The following SUMF1 variants were observed in gnomAD, a reference collection of about 807,000 sequenced individuals.
SUMF1 encodes the protein sulfatase modifying factor 1, also known as formylglycine-generating enzyme.
SUMF1 carries 48 observed loss-of-function variants against 47.6 expected under a neutral mutation model. The observed-to-expected ratio is 1.01, with a 90% CI of 0.80 to 1.28. SUMF1 has a LOEUF of 1.28. SUMF1 is among the 50% of genes most tolerant of loss of function. SUMF1 has a pLI of 0.00. For synonymous variants in SUMF1, 230 were observed against 192.1 expected (o/e 1.20, Z -1.63); for missense variants, 571 against 485.4 (o/e 1.18, Z -1.66).
At position 4,036,858 on chromosome 3, in the gene SUMF1, A is replaced by T. The variant is rs1344891200; in HGVS notation, c.1191+31711T>A. On this transcript the variant is annotated intron_variant and NMD_transcript_variant, in intron 9 of 12. Coordinates refer to the SUMF1 transcript ENST00000448413. ...GCTGAGGTCAGTGAGGCAAAAAAAA[A>T]AAAAAAAAAAAAAAAGAGACCATGG... Among the ~76,000 whole-genome samples the T allele has an allele frequency of 7.4e-5, 11 of 149,018 alleles. 1 individual carries two copies. The highest frequency in any genetic ancestry group is 5.8e-4 in the East Asian group (3 of 5,146).
chr3:4,277,203 C>T (rs978749080), intron 8 of SUMF1, among the ~76,000 whole-genome samples: 6 of 152,112 alleles, frequency 3.9e-5, no homozygotes, highest in Admixed American at 2.6e-4. Flanking sequence ...ACAGGCAGGT[C>T]TAGGAACCAT....
At chr3:4,392,734 TTGTTC>T (rs1435263488) in intron 7 of SUMF1, among the ~76,000 whole-genome samples, 14 of 148,588 alleles carry the variant, frequency 9.4e-5, no homozygotes, top group Middle Eastern at 3.3e-3. Flanking sequence ...CTGAAGGTTT[TTGTTC>T]TGTTTTGTTT....
At chr3:4,371,002 G>A (rs911479290) in intron 8 of SUMF1, among the ~76,000 whole-genome samples, 1 of 152,018 alleles carries the variant, frequency 6.6e-6, no homozygotes, top group Non-Finnish European at 1.5e-5. Flanking sequence ...GCGAGGTCAG[G>A]GCCATCACTT....
rs114368976 is a variant in SUMF1, at chr3:4,056,151, C to A, written c.1191+12418G>T. On this transcript the variant is annotated intron_variant and NMD_transcript_variant, in intron 9 of 12. Transcript: ENST00000448413. ...ACCTTAATTCTCCTTTACCGTGTAA[C>A]CTAACATATTCACAGGTTTCTGGGA... Among the ~76,000 whole-genome samples, 845 of 152,196 alleles carry A rather than the reference C, an allele frequency of 5.6e-3. 8 individuals carry two copies. Among genetic ancestry groups the A allele is most frequent in the Non-Finnish European group, 8.6e-3 (585 of 68,014 alleles).
intron 8 of SUMF1, among the ~76,000 whole-genome samples, chr3:4,213,951 G>A (rs1399884279): frequency 3.9e-5 from 6 of 152,024 alleles, no homozygotes; most frequent in African/African-American, 9.7e-5. Context: ...ACTTCCACAC[G>A]ATAATGATGG....
intron 2 of SUMF1, among the ~76,000 whole-genome samples, chr3:4,451,991 G>A (rs1702988612): frequency 6.6e-6 from 1 of 152,084 alleles, no homozygotes. Context: ...CCCAAAAAAG[G>A]TTTCTAACCA....
intron 8 of SUMF1, among the ~76,000 whole-genome samples, chr3:4,072,510 G>A (rs1025208716): frequency 1.3e-5 from 2 of 152,134 alleles, no homozygotes; most frequent in African/African-American, 4.8e-5. Flanking sequence ...GTAGGCTTCA[G>A]AAGGTGGATA....
downstream of SUMF1, among the ~76,000 whole-genome samples, chr3:4,356,754 C>T (rs1575125193): frequency 6.6e-6 from 1 of 152,128 alleles, no homozygotes; most frequent in Non-Finnish European, 1.5e-5. Flanking sequence ...AGGCTTCACA[C>T]AAAAATGCAA....
chr3:4,164,555 C>T (rs971954830), intron 8 of SUMF1, among the ~76,000 whole-genome samples: 10 of 152,144 alleles, frequency 6.6e-5, no homozygotes, highest in African/African-American at 2.4e-4. Context: ...TCCTTGCAAA[C>T]CACAATGATA....
chr3:4,218,129 G>T (rs763761869), intron 8 of SUMF1, among the ~76,000 whole-genome samples: 2 of 151,842 alleles, frequency 1.3e-5, no homozygotes, highest in African/African-American at 2.4e-5. Context: ...AAATAGACAC[G>T]CAGGGAAGAT....
intron 7 of SUMF1, among the ~76,000 whole-genome samples, chr3:4,386,967 T>C (rs1700695464): frequency 6.6e-6 from 1 of 151,994 alleles, no homozygotes; most frequent in South Asian, 2.1e-4. Flanking sequence ...ATTATCATGT[T>C]TTAAAAAATA....
chr3:4,429,588 A>T (rs1294534608), intron 3 of SUMF1, among the ~76,000 whole-genome samples: 1 of 152,254 alleles, frequency 6.6e-6, no homozygotes, highest in Non-Finnish European at 1.5e-5. Flanking sequence ...TGTAAAAGAC[A>T]GGAAAAAGAG....
chr3:4,281,185 C>T (rs1697522358), intron 8 of SUMF1, among the ~76,000 whole-genome samples: 1 of 152,064 alleles, frequency 6.6e-6, no homozygotes, highest in Non-Finnish European at 1.5e-5. Flanking sequence ...TGCCCTTTGA[C>T]GGAGCTCCTC....
intron 8 of SUMF1, among the ~76,000 whole-genome samples, chr3:4,116,892 G>A (rs899534759): frequency 1.3e-5 from 2 of 152,098 alleles, no homozygotes; most frequent in Non-Finnish European, 2.9e-5. Context: ...TAAGGTCAGG[G>A]ATGTGGGATT....
chr3:4,054,025 A>C (rs1695154193), intron 9 of SUMF1, among the ~76,000 whole-genome samples: 1 of 152,138 alleles, frequency 6.6e-6, no homozygotes. Flanking sequence ...CTACCAAATC[A>C]ATTTCTAAAA....
intron 8 of SUMF1, among the ~76,000 whole-genome samples, chr3:4,175,359 G>T (rs1210225288): frequency 1.3e-5 from 2 of 152,040 alleles, no homozygotes; most frequent in African/African-American, 2.4e-5. Context: ...AGCAATATTT[G>T]CATTCTGCTG....
chr3:4,133,692 T>TC (rs1693847134), intron 8 of SUMF1, among the ~76,000 whole-genome samples: 1 of 152,116 alleles, frequency 6.6e-6, no homozygotes, highest in African/African-American at 2.4e-5. Context: ...AACATCGGAC[T>TC]CCAATTTCTT....
chr3:4,284,212 C>T (rs1008471456), intron 8 of SUMF1, among the ~76,000 whole-genome samples: 4 of 151,574 alleles, frequency 2.6e-5, no homozygotes, highest in Non-Finnish European at 4.4e-5. Context: ...CCCAGGAATA[C>T]AAGACCAGCC....
intron 8 of SUMF1, among the ~76,000 whole-genome samples, chr3:4,153,700 A>G (rs1694390259): frequency 6.6e-6 from 1 of 151,570 alleles, no homozygotes; most frequent in South Asian, 2.1e-4. Flanking sequence ...TTATTTCAAC[A>G]TAACTACATT....
Sources: gnomAD v4.1 joint callset for allele counts (sites outside exome capture counted in the v4.1 genomes callset) on GRCh38, gnomAD v4.1.1 for gene constraint, MANE v1.5 for transcripts, NCBI Gene and HGNC (gene_info 2026-07-23, HGNC 2026-07-21) for gene names.